The following LIMA1 variants were observed in gnomAD, a reference collection of about 807,000 sequenced individuals.
LIMA1 encodes LIM domain and actin binding 1.
Under a neutral mutation model 62.6 loss-of-function variants are expected in LIMA1, and 52 were observed. The ratio of observed to expected loss-of-function variants is 0.83; its 90% confidence interval spans 0.67 to 1.05. The LOEUF (loss-of-function observed/expected upper bound fraction) is 1.05, where lower values mean the gene tolerates loss of function less well. Among genes scored for constraint, LIMA1 ranks in the 50% least tolerant of loss-of-function variants. The probability of loss-of-function intolerance (pLI) is 0.00; values close to 1 mark genes in which losing one functional copy is unlikely to be tolerated. For synonymous variants in LIMA1, 302 were observed against 317.8 expected, an observed-to-expected ratio of 0.95 and a Z score of 0.53; for missense variants, 780 against 902.2, an observed-to-expected ratio of 0.86 and a Z score of 1.74.
intron 3 of LIMA1, among the ~76,000 whole-genome samples, chr12:50,229,349 C>T (rs888943427): frequency 6.6e-6 from 1 of 152,180 alleles, no homozygotes; most frequent in African/African-American, 2.4e-5. Context: ...GGATTAGAGC[C>T]TTCTCTTCAG....
At chr12:50,182,129 C>CATGGAG (rs1940518816) in intron 9 of LIMA1, 92 bp from the exon 10 acceptor site, 1 of 1,410,832 alleles carries the variant, frequency 7.1e-7, no homozygotes, top group Admixed American at 1.9e-5. Context: ...TCTAAGGGCT[C>CATGGAG]CCTTAGCTGG....
chr12:50,258,014 C>G (rs1182010782), intron 1 of LIMA1, among the ~76,000 whole-genome samples: 2 of 152,194 alleles, frequency 1.3e-5, no homozygotes, highest in Non-Finnish European at 2.9e-5. Context: ...TTTGGCTTGG[C>G]TCCAGTGTTC....
intron 1 of LIMA1, among the ~76,000 whole-genome samples, chr12:50,272,397 C>A (rs1942223310): frequency 6.6e-6 from 1 of 151,380 alleles, no homozygotes; most frequent in Non-Finnish European, 1.5e-5. Flanking sequence ...CGAGATCAGC[C>A]TGACCAACAT....
intron 2 of LIMA1, chr12:50,234,101 A>T (rs1288311834): frequency 2.2e-6 from 1 of 461,494 alleles, no homozygotes; most frequent in Non-Finnish European, 4.4e-6. Flanking sequence ...TCTGAGAAAA[A>T]AATTAAAGTT....
intron 1 of LIMA1, among the ~76,000 whole-genome samples, chr12:50,261,173 C>T (rs562030394): frequency 6.7e-6 from 1 of 148,804 alleles, no homozygotes; most frequent in South Asian, 2.1e-4. Context: ...CTGCCTTAGC[C>T]TCCCGAGTAG....
At chr12:50,271,788 C>A (rs773378291) in intron 1 of LIMA1, among the ~76,000 whole-genome samples, 1 of 152,144 alleles carries the variant, frequency 6.6e-6, no homozygotes, top group Non-Finnish European at 1.5e-5. Flanking sequence ...CATGTAGGGG[C>A]TCAATAAATA....
intron 2 of LIMA1, among the ~76,000 whole-genome samples, chr12:50,245,581 C>T (rs1941836668): frequency 2.0e-5 from 3 of 151,346 alleles, no homozygotes; most frequent in African/African-American, 7.3e-5. Flanking sequence ...GGGTTTTCTC[C>T]CCTATCACTT....
rs748353977 is a variant in LIMA1 at position 50,207,967 on chromosome 12, A to G, written c.631-1899T>C. On this transcript the variant is annotated intron_variant, in intron 4 of 10. Transcript: ENST00000341247. ...TACCCCCTCCTTGGAGACAGAAAAC[A>G]TACCACATCAGAAATCAGAGCCAAG... Among the ~76,000 whole-genome samples the G allele has an allele frequency of 5.0e-4, 76 of 152,066 alleles. 1 individual carries two copies. The highest frequency in any genetic ancestry group is 7.4e-5 in the Non-Finnish European group (5 of 68,014).
chr12:50,217,460 T>A (rs1214238214), intron 4 of LIMA1, among the ~76,000 whole-genome samples: 1 of 151,792 alleles, frequency 6.6e-6, no homozygotes, highest in African/African-American at 2.4e-5. Context: ...TTCAAAGTGT[T>A]CAGAACTTCA....
chr12:50,257,760 T>C (rs532155118), intron 1 of LIMA1, among the ~76,000 whole-genome samples: 8 of 152,312 alleles, frequency 5.3e-5, no homozygotes, highest in African/African-American at 1.9e-4. Context: ...ATAATGATGG[T>C]CTCAAGTAGT....
In LIMA1 at chr12:50,176,089, T is replaced by C. The variant is rs1486401315; in HGVS notation, c.*975A>G. 6.6e-6 allele frequency: 1 copy of C among 152,150 alleles called. No individual in the cohort carries two copies. The highest frequency in any genetic ancestry group is 1.5e-5 in the Non-Finnish European group (1 of 68,024). 9.4% of individuals were successfully genotyped at this position (152,150 alleles called of 1,614,324 possible). On this transcript the variant is annotated 3_prime_UTR_variant, in exon 11 of 11. Coordinates refer to ENST00000341247, the MANE Select transcript of LIMA1 (RefSeq NM_016357.5). ...CTGAGAATACTGTGATAAAAATCAA[T>C]ATATTTCAGAGCTAGTAAGTATTTA... is the stretch of plus-strand genomic sequence containing the variant.
At chr12:50,235,667 G>A (rs905754750) in intron 2 of LIMA1, among the ~76,000 whole-genome samples, 4 of 152,138 alleles carry the variant, frequency 2.6e-5, no homozygotes, top group African/African-American at 9.7e-5. Flanking sequence ...TAATGGGGTA[G>A]GGTAAAAGGG....
chr12:50,274,759 T>C (rs932239128), intron 1 of LIMA1, among the ~76,000 whole-genome samples: 8 of 152,004 alleles, frequency 5.3e-5, no homozygotes, highest in Admixed American at 2.0e-4. Context: ...GAAGGCCTCA[T>C]TGAGTGAATG....
chr12:50,235,701 G>T (rs1185940382), intron 2 of LIMA1, among the ~76,000 whole-genome samples: 3 of 152,134 alleles, frequency 2.0e-5, no homozygotes, highest in African/African-American at 7.2e-5. Context: ...CTGGCACTTC[G>T]TTGACCATAA....
chr12:50,219,943 T>C (rs1941413401), intron 4 of LIMA1, among the ~76,000 whole-genome samples: 1 of 151,594 alleles, frequency 6.6e-6, no homozygotes, highest in African/African-American at 2.4e-5. Flanking sequence ...GCCTTGGGCC[T>C]CCCTAAATTC....
rs188072497 is a variant in LIMA1 at position 50,178,882 on chromosome 12, A to G, written c.1275-813T>C. On this transcript the variant is annotated intron_variant, in intron 10 of 10. Coordinates refer to ENST00000341247, the MANE Select transcript of LIMA1 (RefSeq NM_016357.5). ...ATGCTGACCCCATTCATTTGGAGTC[A>G]GTGTTTCTGGGTAGCCATCATCAAG... 1.2e-3 allele frequency among the ~76,000 whole-genome samples: 176 copies of G among 152,024 alleles called. 1 individual carries two copies. The highest frequency in any genetic ancestry group is 3.9e-3 in the African/African-American group (161 of 41,512).
At chr12:50,232,581 C>T (rs1160565896) in intron 2 of LIMA1, among the ~76,000 whole-genome samples, 1 of 152,158 alleles carries the variant, frequency 6.6e-6, no homozygotes, top group Non-Finnish European at 1.5e-5. Context: ...GTTGACCAGG[C>T]CAGTCTCAAA....
chr12:50,204,750 C>A, intron 5 of LIMA1, 50 bp from the exon 6 acceptor site: 1 of 1,574,102 alleles, frequency 6.4e-7, no homozygotes, highest in Non-Finnish European at 8.7e-7. Flanking sequence ...GATGGGGTCT[C>A]ACTCTATCAC....
chr12:50,255,611 A>C (rs1208624191), intron 1 of LIMA1, among the ~76,000 whole-genome samples: 1 of 151,558 alleles, frequency 6.6e-6, no homozygotes, highest in Non-Finnish European at 1.5e-5. Context: ...AAGAAAGGAA[A>C]GAAAGAAAAG....
Sources: gnomAD v4.1 joint callset for allele counts (sites outside exome capture counted in the v4.1 genomes callset) on GRCh38, gnomAD v4.1.1 for gene constraint, MANE v1.5 for transcripts, NCBI Gene and HGNC (gene_info 2026-07-23, HGNC 2026-07-21) for gene names.